MTA3: variants seen among roughly 807,000 people sequenced by gnomAD.
The protein encoded by MTA3 is metastasis-associated protein MTA3.
Under a neutral mutation model 83.5 loss-of-function variants are expected in MTA3, and 34 were observed. The observed-to-expected ratio is 0.41, with a 90% CI of 0.31 to 0.54. The LOEUF is 0.54. Among genes scored for constraint, MTA3 ranks in the 20% least tolerant of loss-of-function variants. The pLI is 0.33. For synonymous variants in MTA3, 303 were observed against 252.7 expected, an observed-to-expected ratio of 1.20 and a Z score of -1.89; for missense variants, 761 against 726.4, an observed-to-expected ratio of 1.05 and a Z score of -0.55.
At chr2:42,532,400 C>T (rs943761837) in intron 2 of MTA3, among the ~76,000 whole-genome samples, 3 of 152,112 alleles carry the variant, frequency 2.0e-5, no homozygotes, top group African/African-American at 7.2e-5. Flanking sequence ...ATCCCAACTA[C>T]CTGGGAGGCT....
chr2:42,657,060 G>T (rs1689236793), intron 7 of MTA3, among the ~76,000 whole-genome samples: 1 of 151,982 alleles, frequency 6.6e-6, no homozygotes, highest in Non-Finnish European at 1.5e-5. Context: ...CATTAAATGG[G>T]TATATATAGT....
At chr2:42,518,338 G>C (rs571647890) in intron 2 of MTA3, among the ~76,000 whole-genome samples, 1 of 152,274 alleles carries the variant, frequency 6.6e-6, no homozygotes, top group East Asian at 1.9e-4. Context: ...TGAACTTAGA[G>C]TGTCTTATAG....
At chr2:42,531,908 C>T (rs1161517885) in intron 2 of MTA3, among the ~76,000 whole-genome samples, 1 of 152,150 alleles carries the variant, frequency 6.6e-6, no homozygotes, top group Non-Finnish European at 1.5e-5. Flanking sequence ...AGGTGCCTGC[C>T]ACCACACCCA....
intron 4 of MTA3, among the ~76,000 whole-genome samples, chr2:42,617,017 A>G (rs1324582930): frequency 6.6e-6 from 1 of 152,164 alleles, no homozygotes; most frequent in African/African-American, 2.4e-5. Flanking sequence ...GGAATACTAG[A>G]CAGAGAATAG....
chr2:42,546,368 G>T (rs891076260), intron 2 of MTA3, among the ~76,000 whole-genome samples: 1 of 152,118 alleles, frequency 6.6e-6, no homozygotes, highest in Non-Finnish European at 1.5e-5. Context: ...CCAGAATTAG[G>T]ATGTCCTTGT....
chr2:42,695,634 CAAAAAAAAAAAA>C (rs70963347), intron 9 of MTA3, 119 bp from the exon 10 acceptor site: 24 of 130,788 alleles, frequency 1.8e-4, no homozygotes, highest in East Asian at 1.1e-3. Flanking sequence ...CAGTCTATCT[CAAAAAAAAAAAA>C]AAAAAAAAAA....
intron 2 of MTA3, among the ~76,000 whole-genome samples, chr2:42,573,849 C>T (rs1342530292): frequency 5.3e-5 from 8 of 151,068 alleles, no homozygotes; most frequent in East Asian, 3.9e-4. Context: ...GATGGAGTCT[C>T]GCTCCGTCGA....
Position 42,708,018 on chromosome 2 carries a change from A to G in MTA3, c.1266A>G (p.Ser422=), listed in dbSNP as rs1666249866. The change falls in exon 13 of 17, where the codon TCA becomes TCG. Residue 422 remains serine, a synonymous_variant. Transcript: ENST00000405094. Reference sequence around the variant, plus strand: ...GAGGCTTGAAAATGCCCACCCAGTCAGAAGAAGAGAAGTTATCTCCTAGCC... The same window carrying G: ...GAGGCTTGAAAATGCCCACCCAGTCGGAAGAAGAGAAGTTATCTCCTAGCC... ...KYGGLKMPTQ[S]EEEKLSPSPT... is the part of the protein sequence containing the mutation. 1.2e-6 allele frequency: 2 copies of G among 1,612,096 alleles called. No individual in the cohort carries two copies. The highest frequency in any genetic ancestry group is 2.7e-5 in the African/African-American group (2 of 74,802).
At chr2:42,742,328 A>G (rs1293727918) in intron 16 of MTA3, among the ~76,000 whole-genome samples, 1 of 152,016 alleles carries the variant, frequency 6.6e-6, no homozygotes, top group East Asian at 1.9e-4. Flanking sequence ...TAGTAGAGAC[A>G]GCCTTTCACC....
At chr2:42,597,375 C>CTTT (rs35943826) in intron 3 of MTA3, among the ~76,000 whole-genome samples, 3 of 108,456 alleles carry the variant, frequency 2.8e-5, no homozygotes. Context: ...GACAAGTTAT[C>CTTT]TTTTTTTTTT....
chr2:42,539,353 G>T (rs1303392915), intron 2 of MTA3, among the ~76,000 whole-genome samples: 2 of 152,008 alleles, frequency 1.3e-5, no homozygotes, highest in Non-Finnish European at 2.9e-5. Context: ...TCTTCACAGG[G>T]CAGCAGGAGA....
chr2:42,644,743 C>G (rs960397412), intron 6 of MTA3, among the ~76,000 whole-genome samples: 1 of 152,076 alleles, frequency 6.6e-6, no homozygotes, highest in Non-Finnish European at 1.5e-5. Flanking sequence ...TTATAGTGAT[C>G]TGTGATCAGT....
At chr2:42,738,749 C>T (rs1333152056) in intron 16 of MTA3, among the ~76,000 whole-genome samples, 2 of 152,126 alleles carry the variant, frequency 1.3e-5, no homozygotes, top group Admixed American at 6.5e-5. Context: ...ATGGAACGTC[C>T]CTGAGAAAGA....
chr2:42,678,349 A>AT (rs945814997), intron 8 of MTA3, among the ~76,000 whole-genome samples: 5 of 151,610 alleles, frequency 3.3e-5, no homozygotes, highest in African/African-American at 7.3e-5. Flanking sequence ...TTATTTATTT[A>AT]TTTTTTTTGA....
chr2:42,509,346 C>T (rs1262098165), intron 2 of MTA3, among the ~76,000 whole-genome samples: 1 of 152,116 alleles, frequency 6.6e-6, no homozygotes, highest in Non-Finnish European at 1.5e-5. Flanking sequence ...CCTGGCCTCA[C>T]CTGTTACTTA....
intron 16 of MTA3, among the ~76,000 whole-genome samples, chr2:42,728,277 C>G (rs1667965503): frequency 6.6e-6 from 1 of 152,104 alleles, no homozygotes; most frequent in Non-Finnish European, 1.5e-5. Flanking sequence ...GGATTTCATT[C>G]TTTTTTGTCT....
chr2:42,719,142 C>T (rs901411330), intron 15 of MTA3, 68 bp downstream of exon 15: 1 of 1,167,784 alleles, frequency 8.6e-7, no homozygotes, highest in Non-Finnish European at 1.2e-6. Flanking sequence ...TTTGGCAATT[C>T]TAAATGGACA....
At chr2:42,748,654 A>G (rs1669629520) in intron 16 of MTA3, among the ~76,000 whole-genome samples, 1 of 152,182 alleles carries the variant, frequency 6.6e-6, no homozygotes, top group Non-Finnish European at 1.5e-5. Flanking sequence ...ATACCTGCTA[A>G]TTCTAACATC....
intron 2 of MTA3, among the ~76,000 whole-genome samples, chr2:42,576,254 T>C (rs1679019774): frequency 6.6e-6 from 1 of 152,174 alleles, no homozygotes; most frequent in African/African-American, 2.4e-5. Flanking sequence ...TATTAACTTC[T>C]AAGAAGGCAA....
Sources: gnomAD v4.1 joint callset for allele counts (sites outside exome capture counted in the v4.1 genomes callset) on GRCh38, gnomAD v4.1.1 for gene constraint, MANE v1.5 for transcripts, NCBI Gene and HGNC (gene_info 2026-07-23, HGNC 2026-07-21) for gene names.